Variants in TMC1 observed in about 807,000 individuals in gnomAD.
TMC1 encodes transmembrane channel-like protein 1.
Under a neutral mutation model 105.8 loss-of-function variants are expected in TMC1, and 84 were observed. That is an observed-to-expected ratio of 0.79 (90% CI 0.67 to 0.95). TMC1 has a LOEUF of 0.95. Ranked by LOEUF, TMC1 falls within the 40% of genes least tolerant of loss-of-function variation. The probability of loss-of-function intolerance (pLI) is 0.00; values close to 1 mark genes in which losing one functional copy is unlikely to be tolerated. For synonymous variants in TMC1, 315 were observed against 311.5 expected, an observed-to-expected ratio of 1.01 and a Z score of -0.12; for missense variants, 817 against 914.1, an observed-to-expected ratio of 0.89 and a Z score of 1.37.
intron 18 of TMC1, among the ~76,000 whole-genome samples, chr9:72,813,793 G>T (rs1828740507): frequency 1.3e-5 from 2 of 152,162 alleles, no homozygotes; most frequent in African/African-American, 4.8e-5. Context: ...TAAGTGACCT[G>T]CCCAGCTTAC....
chr9:72,700,437 A>T (rs1221681651), intron 7 of TMC1, 81 bp from the exon 8 acceptor site: 14 of 1,241,962 alleles, frequency 1.1e-5, no homozygotes, highest in South Asian at 1.3e-5. Context: ...AATGAGCTAA[A>T]TATCTGATAC....
At chr9:72,630,407 A>G (rs1468977457) in intron 4 of TMC1, among the ~76,000 whole-genome samples, 1 of 152,208 alleles carries the variant, frequency 6.6e-6, no homozygotes, top group Non-Finnish European at 1.5e-5. Flanking sequence ...TTTGTAAACT[A>G]TATATAAGCT....
At chr9:72,648,535 G>A in intron 4 of TMC1, 62 bp from the exon 5 acceptor site, 1 of 921,042 alleles carries the variant, frequency 1.1e-6, no homozygotes, top group Non-Finnish European at 1.8e-6. Context: ...ACTTTCAGTG[G>A]CAGGCAGAAG....
At chr9:72,596,118 G>A (rs568914815) in intron 2 of TMC1, among the ~76,000 whole-genome samples, 219 of 151,780 alleles carry the variant, frequency 1.4e-3, no homozygotes, top group Non-Finnish European at 2.6e-3. Flanking sequence ...CTCGTGATTT[G>A]CCCGCCTCAG....
At chr9:72,652,890 C>CA (rs576472365) in intron 5 of TMC1, among the ~76,000 whole-genome samples, 17 of 152,266 alleles carry the variant, frequency 1.1e-4, no homozygotes, top group Non-Finnish European at 2.4e-4. Context: ...AGGTGGCAAT[C>CA]ATCACCATGT....
intron 2 of TMC1, among the ~76,000 whole-genome samples, chr9:72,601,637 C>A (rs564690605): frequency 2.0e-5 from 3 of 151,994 alleles, no homozygotes; most frequent in Non-Finnish European, 4.4e-5. Context: ...AGAGTGAGAC[C>A]CTGTCTCGAA....
intron 5 of TMC1, among the ~76,000 whole-genome samples, chr9:72,654,402 A>G (rs568290015): frequency 1.8e-4 from 27 of 152,214 alleles, no homozygotes; most frequent in African/African-American, 6.3e-4. Context: ...TTTTGTCTCC[A>G]TCTATTCTTT....
At chr9:72,742,566 G>A (rs1405175600) in intron 10 of TMC1, 41 bp downstream of exon 10, 3 of 1,520,740 alleles carry the variant, frequency 2.0e-6, no homozygotes, top group Non-Finnish European at 2.7e-6. Context: ...GGTTGTCTTA[G>A]AGAAGTATCT....
At chr9:72,614,647 A>C (rs1309534117) in intron 2 of TMC1, among the ~76,000 whole-genome samples, 1 of 152,106 alleles carries the variant, frequency 6.6e-6, no homozygotes. Flanking sequence ...ATTAGAGTTC[A>C]TTTTTGCTAT....
At chr9:72,561,340 AGAG>A (rs1174309132) in intron 1 of TMC1, among the ~76,000 whole-genome samples, 47 of 137,684 alleles carry the variant, frequency 3.4e-4, no homozygotes, top group African/African-American at 1.1e-3. Flanking sequence ...AAAAAAAAAA[AGAG>A]AGAGAGAAAA....
chr9:72,747,195 GT>G (rs1488186048), intron 10 of TMC1, among the ~76,000 whole-genome samples: 5 of 152,174 alleles, frequency 3.3e-5, no homozygotes, highest in East Asian at 3.9e-4. Context: ...TAAACCTTAT[GT>G]TTCCTTGCTG....
chr9:72,623,981 A>C (rs1825300840), intron 3 of TMC1, among the ~76,000 whole-genome samples: 1 of 152,134 alleles, frequency 6.6e-6, no homozygotes, highest in Non-Finnish European at 1.5e-5. Context: ...GCAGGAAGAA[A>C]AGGTAAATCC....
At chr9:72,817,824 T>C (rs978010954) in intron 19 of TMC1, among the ~76,000 whole-genome samples, 1 of 152,218 alleles carries the variant, frequency 6.6e-6, no homozygotes, top group Non-Finnish European at 1.5e-5. Context: ...AGATCCATTA[T>C]CAAAATCTCT....
intron 5 of TMC1, among the ~76,000 whole-genome samples, chr9:72,674,503 A>C (rs79882045): frequency 2.5e-3 from 383 of 152,322 alleles, no homozygotes; most frequent in African/African-American, 8.7e-3. Flanking sequence ...GATGCTTATT[A>C]ACTTTCCCCG....
intron 8 of TMC1, among the ~76,000 whole-genome samples, chr9:72,708,843 G>C (rs377085345): frequency 3.2e-4 from 49 of 152,218 alleles, no homozygotes; most frequent in African/African-American, 1.1e-3. Flanking sequence ...TTCTCAGAGG[G>C]AATGCTTTCA....
intron 10 of TMC1, among the ~76,000 whole-genome samples, chr9:72,749,230 C>T (rs955519841): frequency 6.6e-6 from 1 of 152,070 alleles, no homozygotes; most frequent in African/African-American, 2.4e-5. Flanking sequence ...ATTAGAAAAA[C>T]AAAAGCATAA....
At chr9:72,553,829 T>C (rs1333764008) in intron 1 of TMC1, among the ~76,000 whole-genome samples, 3 of 152,184 alleles carry the variant, frequency 2.0e-5, no homozygotes, top group Non-Finnish European at 4.4e-5. Context: ...TCTCAATTCA[T>C]CCTTTCTCAA....
At chr9:72,554,832 A>G (rs1182085197) in intron 1 of TMC1, among the ~76,000 whole-genome samples, 1 of 152,150 alleles carries the variant, frequency 6.6e-6, no homozygotes, top group Non-Finnish European at 1.5e-5. Flanking sequence ...AATTCCTGAA[A>G]TTTACTCAGC....
chr9:72,755,029 A>G, intron 12 of TMC1, 145 bp downstream of exon 12: 1 of 493,656 alleles, frequency 2.0e-6, no homozygotes, highest in South Asian at 1.8e-5. Context: ...GAAAGGAAAG[A>G]AAGAAAGAAA....
Sources: gnomAD v4.1 joint callset for allele counts (sites outside exome capture counted in the v4.1 genomes callset) on GRCh38, gnomAD v4.1.1 for gene constraint, MANE v1.5 for transcripts, NCBI Gene and HGNC (gene_info 2026-07-23, HGNC 2026-07-21) for gene names.